The following KIF6 variants were observed in gnomAD, a reference collection of about 807,000 sequenced individuals.
KIF6 encodes the protein kinesin family member 6.
In KIF6, 106 loss-of-function variants were observed where a neutral mutation model predicts 112.7. That is an observed-to-expected ratio of 0.94 (90% confidence interval 0.80 to 1.11). KIF6 has a LOEUF of 1.11. Ranked by LOEUF, KIF6 falls within the 50% of genes least tolerant of loss-of-function variation. The probability of loss-of-function intolerance (pLI) is 0.00; values close to 1 mark genes in which losing one functional copy is unlikely to be tolerated. For missense variants in KIF6, 929 were observed against 964.0 expected, an observed-to-expected ratio of 0.96 and a Z score of 0.48; for synonymous variants, 339 against 339.9, an observed-to-expected ratio of 1.00 and a Z score of 0.03.
intron 20 of KIF6, among the ~76,000 whole-genome samples, chr6:39,346,057 T>G (rs565019006): frequency 7.0e-5 from 1 of 14,336 alleles, no homozygotes; most frequent in African/African-American, 7.3e-4. Context: ...GTGCTCTCTC[T>G]CTCTCTCTCT....
intron 7 of KIF6, among the ~76,000 whole-genome samples, chr6:39,590,456 T>A (rs1164939910): frequency 9.1e-5 from 13 of 143,484 alleles, no homozygotes; most frequent in African/African-American, 3.1e-4. Flanking sequence ...TATATATTTT[T>A]TTTTTTTTTT....
At chr6:39,510,419 A>T (rs141918599) in intron 13 of KIF6, among the ~76,000 whole-genome samples, 60 of 152,236 alleles carry the variant, frequency 3.9e-4, no homozygotes, top group Non-Finnish European at 6.9e-4. Flanking sequence ...AGAATTTTCA[A>T]CCCAGAATTT....
intron 13 of KIF6, among the ~76,000 whole-genome samples, chr6:39,522,938 C>T (rs1777478774): frequency 1.3e-5 from 2 of 152,206 alleles, no homozygotes; most frequent in South Asian, 4.1e-4. Flanking sequence ...ACCCCCTTAT[C>T]TGCTCTCATG....
intron 13 of KIF6, among the ~76,000 whole-genome samples, chr6:39,455,352 C>A (rs1364652869): frequency 1.3e-5 from 2 of 151,802 alleles, no homozygotes; most frequent in African/African-American, 4.8e-5. Flanking sequence ...AGGACATCCA[C>A]ACCGAAAACC....
At chr6:39,358,552 C>T (rs145077086) in intron 18 of KIF6, among the ~76,000 whole-genome samples, 1 of 152,368 alleles carries the variant, frequency 6.6e-6, no homozygotes, top group African/African-American at 2.4e-5. Context: ...TGCCTGGACA[C>T]TTCCTGAGTT....
chr6:39,437,304 C>T (rs960880594), intron 13 of KIF6, among the ~76,000 whole-genome samples: 1 of 152,136 alleles, frequency 6.6e-6, no homozygotes, highest in Non-Finnish European at 1.5e-5. Context: ...AAGATCATAT[C>T]ATTGGCAAAC....
intron 15 of KIF6, among the ~76,000 whole-genome samples, chr6:39,406,559 A>C (rs999812097): frequency 2.0e-5 from 3 of 151,954 alleles, no homozygotes; most frequent in African/African-American, 7.3e-5. Flanking sequence ...AAGCTTGTTG[A>C]TTAGATCTTT....
At chr6:39,337,053 TTTC>T (rs1762963747) in intron 22 of KIF6, among the ~76,000 whole-genome samples, 1 of 62,642 alleles carries the variant, frequency 1.6e-5, no homozygotes, top group African/African-American at 6.5e-5. Flanking sequence ...TTCCTTTTTC[TTTC>T]TTTCTTTCTT....
intron 3 of KIF6, among the ~76,000 whole-genome samples, chr6:39,708,636 A>C (rs2113859873): frequency 6.6e-6 from 1 of 152,340 alleles, no homozygotes; most frequent in Non-Finnish European, 1.5e-5. Context: ...CTGCACATAA[A>C]GTAAATTTCC....
intron 3 of KIF6, among the ~76,000 whole-genome samples, chr6:39,644,711 C>A (rs1283517142): frequency 1.3e-5 from 2 of 151,888 alleles, no homozygotes; most frequent in Non-Finnish European, 2.9e-5. Flanking sequence ...TTCTTTTTGG[C>A]GGTAATGAAA....
rs2113868844 is a variant in KIF6 at position 39,333,136 on chromosome 6, T to C, written c.*3396A>G. Reference sequence around the variant, plus strand: ...GGTAAATCAGGTCCTTGTTGCTTCATCATGGCTGTAGGTGGTGGTCCTGCT... The same window carrying C: ...GGTAAATCAGGTCCTTGTTGCTTCACCATGGCTGTAGGTGGTGGTCCTGCT... On this transcript the variant is annotated 3_prime_UTR_variant, in exon 23 of 23. Transcript: ENST00000287152. 6.6e-6 allele frequency: 1 copy of C among 152,344 alleles called. No homozygotes were observed. The highest frequency in any genetic ancestry group is 1.9e-4 in the East Asian group (1 of 5,184). The allele number at this position is 152,344 out of a possible 1,614,324, so 9.4% of individuals were successfully genotyped here. A position where few individuals can be genotyped will look rare whatever the true frequency, so the allele number is the denominator to read the frequency against.
At chr6:39,598,575 A>ATG (rs1234786092) in intron 6 of KIF6, among the ~76,000 whole-genome samples, 5 of 134,216 alleles carry the variant, frequency 3.7e-5, no homozygotes, top group African/African-American at 8.0e-5. Context: ...GTATACATAT[A>ATG]TATGTGTGTG....
chr6:39,563,686 AAG>A (rs1026884126), intron 10 of KIF6, among the ~76,000 whole-genome samples: 1 of 152,132 alleles, frequency 6.6e-6, no homozygotes, highest in African/African-American at 2.4e-5. Flanking sequence ...CACTCAGTGA[AAG>A]AGTTTGTATT....
chr6:39,386,852 G>C (rs1453874208), intron 15 of KIF6, among the ~76,000 whole-genome samples: 1 of 152,180 alleles, frequency 6.6e-6, no homozygotes, highest in Non-Finnish European at 1.5e-5. Flanking sequence ...TCCCATTTGG[G>C]GGATGTGATC....
In KIF6 at chr6:39,369,969, T is replaced by C. The variant is rs116386294; in HGVS notation, c.1862-7451A>G. Among the ~76,000 whole-genome samples the C allele has an allele frequency of 4.6e-3, 698 of 152,320 alleles. 3 individuals carry two copies. Among genetic ancestry groups the C allele is most frequent in the African/African-American group, 0.015 (642 of 41,574 alleles). Reference sequence around the variant, plus strand: ...GGGTCTGACCCACAAGGTTCCCCTTTTTCCCTGGTGCACAGCACCTCTCCC... The same window carrying C: ...GGGTCTGACCCACAAGGTTCCCCTTCTTCCCTGGTGCACAGCACCTCTCCC... On this transcript the variant is annotated intron_variant, in intron 16 of 22. Transcript: ENST00000287152.
chr6:39,527,945 C>T (rs932713248), intron 13 of KIF6, among the ~76,000 whole-genome samples: 3 of 152,204 alleles, frequency 2.0e-5, no homozygotes, highest in Admixed American at 2.0e-4. Flanking sequence ...ATATCCATCA[C>T]TTCAAATACT....
At chr6:39,356,761 C>T (rs907521533) in intron 19 of KIF6, among the ~76,000 whole-genome samples, 1 of 152,110 alleles carries the variant, frequency 6.6e-6, no homozygotes, top group Non-Finnish European at 1.5e-5. Context: ...TGGAAAGAGA[C>T]AATAACATGG....
chr6:39,456,388 A>T (rs1187147951), intron 13 of KIF6, among the ~76,000 whole-genome samples: 1 of 116,192 alleles, frequency 8.6e-6, no homozygotes, highest in East Asian at 2.5e-4. Context: ...CATGGAAAGG[A>T]ACAACCGGTA....
intron 10 of KIF6, among the ~76,000 whole-genome samples, chr6:39,568,271 G>A (rs938952894): frequency 1.2e-4 from 18 of 152,146 alleles, no homozygotes; most frequent in Non-Finnish European, 2.4e-4. Flanking sequence ...TAGATCAAGT[G>A]GCCCAGGAAG....
Sources: gnomAD v4.1 joint callset for allele counts (sites outside exome capture counted in the v4.1 genomes callset) on GRCh38, gnomAD v4.1.1 for gene constraint, MANE v1.5 for transcripts, NCBI Gene and HGNC (gene_info 2026-07-23, HGNC 2026-07-21) for gene names.